Variants in DOCK1 observed in about 807,000 individuals in gnomAD.
DOCK1 encodes dedicator of cytokinesis 1, also known as dedicator of cytokinesis protein 1.
Under a neutral mutation model 262.7 loss-of-function variants are expected in DOCK1, and 138 were observed. That is an observed-to-expected ratio of 0.53 (90% CI 0.46 to 0.61). DOCK1 has a LOEUF of 0.61. DOCK1 is among the 20% of genes least tolerant of loss of function. The pLI is 0.00. For missense variants in DOCK1, 1,908 were observed against 2,370.7 expected, an observed-to-expected ratio of 0.80 and a Z score of 4.05; for synonymous variants, 866 against 867.4, an observed-to-expected ratio of 1.00 and a Z score of 0.03.
chr10:126,951,400 A>G (rs1417689664), intron 1 of DOCK1, among the ~76,000 whole-genome samples: 1 of 149,592 alleles, frequency 6.7e-6, no homozygotes, highest in South Asian at 2.1e-4. Flanking sequence ...TGGTAGTAGT[A>G]TTGCTAATAT....
At chr10:127,028,649 C>T (rs2135502902) in intron 16 of DOCK1, among the ~76,000 whole-genome samples, 1 of 152,344 alleles carries the variant, frequency 6.6e-6, no homozygotes, top group South Asian at 2.1e-4. Flanking sequence ...CTGCTGTATA[C>T]ACAACAAGCT....
chr10:127,256,115 G>T (rs1214866036), intron 28 of DOCK1, among the ~76,000 whole-genome samples: 1 of 152,158 alleles, frequency 6.6e-6, no homozygotes, highest in East Asian at 1.9e-4. Flanking sequence ...CTCTAATAGA[G>T]TGATCAGGAT....
chr10:127,018,665 T>G (rs748171875), intron 12 of DOCK1, 45 bp from the exon 13 acceptor site: 10 of 1,611,624 alleles, frequency 6.2e-6, no homozygotes, highest in Non-Finnish European at 8.5e-6. Context: ...CTTCTAAAAA[T>G]GCATAGGATA....
chr10:126,980,951 T>G (rs573902933), intron 3 of DOCK1, among the ~76,000 whole-genome samples: 19 of 151,428 alleles, frequency 1.3e-4, no homozygotes, highest in African/African-American at 4.4e-4. Flanking sequence ...CTACGTTTTT[T>G]TTTTTTTTTT....
At chr10:127,417,563 G>T (rs916203601) in intron 44 of DOCK1, among the ~76,000 whole-genome samples, 2 of 152,140 alleles carry the variant, frequency 1.3e-5, no homozygotes, top group Non-Finnish European at 2.9e-5. Flanking sequence ...GACCCCAGGG[G>T]CCATGAGCTC....
chr10:127,222,529 C>T (rs2058474816), intron 27 of DOCK1, among the ~76,000 whole-genome samples: 1 of 152,174 alleles, frequency 6.6e-6, no homozygotes, highest in Non-Finnish European at 1.5e-5. Context: ...AACGTGGTAA[C>T]ATCATAAACA....
chr10:127,029,011 T>C (rs1238490630), intron 16 of DOCK1, among the ~76,000 whole-genome samples: 1 of 152,226 alleles, frequency 6.6e-6, no homozygotes, highest in African/African-American at 2.4e-5. Context: ...ACAAGCTCAT[T>C]CTCTCTAATT....
intron 27 of DOCK1, among the ~76,000 whole-genome samples, chr10:127,191,082 A>G (rs1479594647): frequency 6.6e-6 from 1 of 152,004 alleles, no homozygotes; most frequent in Non-Finnish European, 1.5e-5. Flanking sequence ...CACTCTTCCC[A>G]TACAAGTCTG....
chr10:126,923,159 G>C (rs893811788), intron 1 of DOCK1, among the ~76,000 whole-genome samples: 1 of 152,210 alleles, frequency 6.6e-6, no homozygotes, highest in African/African-American at 2.4e-5. Context: ...CTTATGGGCA[G>C]TATAAAGCTA....
rs542308986 is a variant in DOCK1 at position 127,101,517 on chromosome 10, A to G, written c.2446-4714A>G. Among the ~76,000 whole-genome samples the G allele has an allele frequency of 2.5e-4, 38 of 152,310 alleles. No individual in the cohort carries two copies. In the South Asian group the frequency reaches 7.9e-3, roughly 32 times the overall value. On this transcript the variant is annotated intron_variant, in intron 23 of 51. Transcript: ENST00000623213. ...TAAGCAGAATTCTGGTTTAATCAGC[A>G]TTTTGGGATCACTGGCATTCCATGT...
intron 27 of DOCK1, among the ~76,000 whole-genome samples, chr10:127,199,066 A>G (rs879347459): frequency 6.6e-6 from 1 of 152,168 alleles, no homozygotes; most frequent in Non-Finnish European, 1.5e-5. Context: ...CAGGAAAAAA[A>G]AAAAGTGAAA....
At chr10:127,439,688 C>T (rs570925569) in intron 49 of DOCK1, among the ~76,000 whole-genome samples, 11 of 152,286 alleles carry the variant, frequency 7.2e-5, no homozygotes, top group Admixed American at 3.3e-4. Flanking sequence ...CTCTTCCCAC[C>T]GGGCCCCAGA....
At chr10:127,429,739 G>A (rs1024715679) in intron 47 of DOCK1, among the ~76,000 whole-genome samples, 9 of 152,022 alleles carry the variant, frequency 5.9e-5, no homozygotes, top group South Asian at 2.1e-4. Context: ...TTTAGGGAGC[G>A]AGGTGTGCAG....
intron 23 of DOCK1, among the ~76,000 whole-genome samples, chr10:127,067,418 G>C (rs1384966430): frequency 6.6e-6 from 1 of 152,180 alleles, no homozygotes; most frequent in Non-Finnish European, 1.5e-5. Context: ...CTGGGGCTGA[G>C]AATGCCAGAA....
At chr10:127,250,363 G>A (rs1350206007) in intron 28 of DOCK1, among the ~76,000 whole-genome samples, 1 of 152,190 alleles carries the variant, frequency 6.6e-6, no homozygotes, top group East Asian at 1.9e-4. Context: ...CCAAGTGTGT[G>A]CCCTCTGTCT....
At chr10:126,922,234 A>AG (rs1564984491) in intron 1 of DOCK1, among the ~76,000 whole-genome samples, 1 of 142,246 alleles carries the variant, frequency 7.0e-6, no homozygotes. Flanking sequence ...AAAAAAAAAA[A>AG]GGAAAGAGTT....
chr10:126,958,197 T>C (rs1251704697), intron 1 of DOCK1, among the ~76,000 whole-genome samples: 2 of 152,220 alleles, frequency 1.3e-5, no homozygotes, highest in African/African-American at 4.8e-5. Context: ...ACCACTAACA[T>C]ACATGTGAGT....
chr10:126,953,028 T>A (rs2036442143), intron 1 of DOCK1, among the ~76,000 whole-genome samples: 1 of 151,954 alleles, frequency 6.6e-6, no homozygotes, highest in Non-Finnish European at 1.5e-5. Flanking sequence ...TTGTTGGTGC[T>A]GCTGGTGGTG....
intron 33 of DOCK1, among the ~76,000 whole-genome samples, chr10:127,364,916 A>G (rs1392721717): frequency 6.6e-6 from 1 of 151,962 alleles, no homozygotes; most frequent in Non-Finnish European, 1.5e-5. Context: ...TATTTTTAAT[A>G]ATATTAAAGA....
Sources: allele counts gnomAD v4.1 joint callset (sites outside exome capture counted in the v4.1 genomes callset), GRCh38; gene constraint gnomAD v4.1.1; transcripts MANE v1.5; gene names NCBI Gene and HGNC (gene_info 2026-07-23, HGNC 2026-07-21).